The following MPP3 variants were observed in gnomAD, a reference collection of about 807,000 sequenced individuals.
The protein encoded by MPP3 is MAGUK p55 subfamily member 3.
A neutral mutation model predicts 80.7 loss-of-function variants in MPP3; 48 were observed. The ratio of observed to expected loss-of-function variants is 0.59; its 90% CI spans 0.47 to 0.76. MPP3 has a LOEUF of 0.76. Among genes scored for constraint, MPP3 ranks in the 30% least tolerant of loss-of-function variants. MPP3 has a pLI of 0.00. For synonymous variants in MPP3, 311 were observed against 297.6 expected (o/e 1.04, Z -0.46); for missense variants, 620 against 763.0 (o/e 0.81, Z 2.21).
chr17:43,801,923 A>G (rs763673998), intron 19 of MPP3, 46 bp from the exon 20 acceptor site: 7 of 1,578,886 alleles, frequency 4.4e-6, no homozygotes, highest in African/African-American at 2.7e-5. Flanking sequence ...TTGTTCTCCT[A>G]TAACAAACCT....
intron 11 of MPP3, chr17:43,819,145 C>T (rs1234834149): frequency 2.0e-5 from 3 of 152,200 alleles, no homozygotes; most frequent in Non-Finnish European, 4.4e-5. Flanking sequence ...TCTAACAAGT[C>T]CCCAGGTGAC....
At chr17:43,827,005 ATTTTCT>A (rs1168309977) in intron 8 of MPP3, among the ~76,000 whole-genome samples, 2 of 132,354 alleles carry the variant, frequency 1.5e-5, no homozygotes, top group Non-Finnish European at 3.1e-5. Context: ...CATGGCCTAT[ATTTTCT>A]TTTTCTTTTT....
rs760670108 is a variant in MPP3 at position 43,814,214 on chromosome 17, C to T, written c.1157G>A (p.Arg386His). ...RYQHQPGERP[R>H]LVVLIGSLGA... ...GCACCTACCGATCAGAACCACCAGG[C>T]GGGGCCGCTCTCCGGGCTGGTGTTG... The change falls in exon 15 of 20, where the codon CGC (arginine) becomes CAC (histidine). Residue 386 changes from arginine to histidine, a missense_variant. Physicochemically the swap from Arg to His is conservative, Grantham distance 29 (BLOSUM62 0). Coordinates refer to ENST00000398389, the MANE Select transcript of MPP3 (RefSeq NM_001932.6). 14 of 1,613,340 alleles carry T rather than the reference C, an allele frequency of 8.7e-6. No individual in the cohort carries two copies. Among genetic ancestry groups the T allele is most frequent in the South Asian group, 2.2e-5 (2 of 90,986 alleles).
rs1003667860 is a variant in MPP3 at position 43,801,795 on chromosome 17, T to C, written c.1664A>G (p.Lys555Arg). The C allele has an allele frequency of 3.7e-6, 6 of 1,614,176 alleles. No individual in the cohort carries two copies. The Admixed American group carries it at 1.0e-4, about 27-fold the overall frequency. The change falls in exon 20 of 20, where the codon AAG becomes AGG. Residue 555 changes from lysine (K) to arginine (R), a missense_variant. Lys to Arg is a conservative substitution (Grantham distance 26). Coordinates refer to ENST00000398389, the MANE Select transcript of MPP3 (RefSeq NM_001932.6). ...GCTGTAGGCACCCTGGAGATCCTCC[T>C]TCACCAGCACGGCGTCTACCAGGTG... ...YGHLVDAVLV[K>R]EDLQGAYSQL...
intron 19 of MPP3, among the ~76,000 whole-genome samples, chr17:43,806,612 CT>C (rs150983186): frequency 3.3e-5 from 5 of 151,908 alleles, no homozygotes; most frequent in African/African-American, 9.7e-5. Context: ...CTGTATGTTT[CT>C]TTTTTTTGTT....
intron 11 of MPP3, among the ~76,000 whole-genome samples, chr17:43,819,981 C>A (rs753902098): frequency 3.0e-4 from 45 of 151,994 alleles, no homozygotes; most frequent in Non-Finnish European, 8.8e-5. Flanking sequence ...GGGTCTCACT[C>A]TTACTCAGGC....
chr17:43,829,560 C>T, intron 7 of MPP3, 94 bp downstream of exon 7: 1 of 1,477,924 alleles, frequency 6.8e-7, no homozygotes, highest in Non-Finnish European at 9.2e-7. Context: ...GTCACTCACT[C>T]TGAAGACTTC....
chr17:43,832,681 T>C (rs912017794), intron 2 of MPP3, 80 bp downstream of exon 2: 1 of 152,604 alleles, frequency 6.6e-6, no homozygotes. Context: ...CGAGCCCCGG[T>C]GCCACTAAGA....
rs1324590687 is a variant in MPP3 at position 43,821,037 on chromosome 17, G to A, written c.706C>T (p.His236Tyr). The A allele has an allele frequency of 1.2e-6, 2 of 1,613,796 alleles. No homozygotes were observed. The highest frequency in any genetic ancestry group is 1.7e-6 in the Non-Finnish European group (2 of 1,179,916). ...ESKVFMRALF[H>Y]YNPREDRAIP... is the part of the protein sequence containing the mutation. ...GCCCGGTCCTCCCGAGGGTTGTAGTGGAAGAGGGCGCGCATGAACACCTGC... is the reference window on the plus strand; with the variant it reads ...GCCCGGTCCTCCCGAGGGTTGTAGTAGAAGAGGGCGCGCATGAACACCTGC... Residue 236 changes from histidine to tyrosine, a missense_variant, in exon 11 of 20, where the codon CAC becomes TAC. Physicochemically the swap from His to Tyr is moderately conservative, Grantham distance 83 (BLOSUM62 2). Coordinates refer to ENST00000398389, the MANE Select transcript of MPP3 (RefSeq NM_001932.6).
chr17:43,821,611 T>C (rs1036357242), intron 10 of MPP3, among the ~76,000 whole-genome samples: 1 of 152,226 alleles, frequency 6.6e-6, no homozygotes, highest in African/African-American at 2.4e-5. Context: ...TCGTCTGCCA[T>C]AGACTCGGCC....
rs368175437 is a variant in MPP3 at position 43,829,693 on chromosome 17, C to T, written c.402G>A (p.Ser134=). 4.8e-5 allele frequency: 77 copies of T among 1,613,942 alleles called. No homozygotes were observed. The highest frequency in any genetic ancestry group is 6.7e-5 in the African/African-American group (5 of 74,876). Residue 134 remains serine, a synonymous_variant, in exon 7 of 20, where the codon TCG becomes TCA. Coordinates refer to ENST00000398389, the MANE Select transcript of MPP3 (RefSeq NM_001932.6). ...DNIDEDFDEE[S]VKIVRLVKNK... ...TCTTCACCAAGCGGACGATCTTCAC[C>T]GATTCCTCATCAAAATCCTCATCGA...
Position 43,818,118 on chromosome 17 carries a change from G to A in MPP3, c.882-8C>T, listed in dbSNP as rs757859546. 1 of 1,532,296 alleles carries A rather than the reference G, an allele frequency of 6.5e-7. No homozygotes were observed. Among genetic ancestry groups the A allele is most frequent in the African/African-American group, 1.4e-5 (1 of 71,920 alleles). The allele number at this position is 1,532,296 out of a possible 1,614,324, so 94.9% of individuals were successfully genotyped here. A position where few individuals can be genotyped will look rare whatever the true frequency, so the allele number is the denominator to read the frequency against. On this transcript the variant is annotated splice_polypyrimidine_tract_variant and splice_region_variant and intron_variant, in intron 11 of 19. Transcript: ENST00000398389. ...CTCCGGTAGCTTAGTCGTCTGCAGG[G>A]ACACAAGGGGATGGGCGGGCCCGTG...
At chr17:43,829,571 G>C (rs1423960094) in intron 7 of MPP3, 83 bp downstream of exon 7, 3 of 1,527,612 alleles carry the variant, frequency 2.0e-6, no homozygotes, top group Non-Finnish European at 1.8e-6. Context: ...TGAAGACTTC[G>C]GGGAGGATCT....
At position 43,831,536 on chromosome 17, in the gene MPP3, C is replaced by A. The variant is rs377615731; in HGVS notation, c.144+23G>T. 6 of 1,556,238 alleles carry A rather than the reference C, an allele frequency of 3.9e-6. No individual in the cohort carries two copies. The Admixed American group carries it at 1.0e-4, about 26-fold the overall frequency. On this transcript the variant is annotated intron_variant, in intron 4 of 19. Coordinates refer to ENST00000398389, the MANE Select transcript of MPP3 (RefSeq NM_001932.6). ...AGAAAGACCTCTAGACACCCTTCCA[C>A]GCAGGATGACGTGGGACTTCACCTT...
chr17:43,829,953 C>T (rs765087573), intron 6 of MPP3, 74 bp downstream of exon 6: 1 of 1,559,304 alleles, frequency 6.4e-7, no homozygotes, highest in Admixed American at 1.7e-5. Flanking sequence ...TCCTCAGCCT[C>T]ATTAGGAGAG....
chr17:43,816,205 G>A lies in MPP3; in HGVS notation c.968-126C>T, dbSNP rs2045123828. The A allele has an allele frequency of 5.1e-6, 4 of 786,698 alleles. No homozygotes were observed. The Admixed American group carries it at 1.4e-4, about 27-fold the overall frequency. The allele number at this position is 786,698 out of a possible 1,614,324, so 48.7% of individuals were successfully genotyped here. On this transcript the variant is annotated intron_variant, in intron 13 of 19. Transcript: ENST00000398389. ...GATGGTGTCTCGTGGGGAGCTCAGG[G>A]GAAATCCCATGTCCTGGACACCCCA...
intron 19 of MPP3, among the ~76,000 whole-genome samples, chr17:43,806,004 T>TA (rs1236960620): frequency 6.6e-6 from 1 of 152,208 alleles, no homozygotes; most frequent in Non-Finnish European, 1.5e-5. Flanking sequence ...AAACAAAATT[T>TA]AGTCATGAGC....
chr17:43,814,164 G>C, intron 15 of MPP3, 33 bp downstream of exon 15: 1 of 1,609,306 alleles, frequency 6.2e-7, no homozygotes, highest in Non-Finnish European at 8.5e-7. Context: ...GAGGAAACCA[G>C]ATCACTTCCT....
Position 43,808,036 on chromosome 17 carries a change from C to G in MPP3, c.1581+920G>C, listed in dbSNP as rs572363203. 2.0e-5 allele frequency among the ~76,000 whole-genome samples: 3 copies of G among 152,148 alleles called. No individual in the cohort carries two copies. In the East Asian group the frequency reaches 5.8e-4, roughly 30 times the overall value. On this transcript the variant is annotated intron_variant, in intron 19 of 19. Coordinates refer to ENST00000398389, the MANE Select transcript of MPP3 (RefSeq NM_001932.6). The stretch of plus-strand genomic sequence containing the variant: ...TTGGGAGGCCAAGGTGGGAGAATCA[C>G]TTGAGCCCAGGAGTTCAAGACCAGC...
Sources: allele counts gnomAD v4.1 joint callset (sites outside exome capture counted in the v4.1 genomes callset), GRCh38; gene constraint gnomAD v4.1.1; transcripts MANE v1.5; gene names NCBI Gene and HGNC (gene_info 2026-07-23, HGNC 2026-07-21).